Variants in CSMD1 observed in about 807,000 individuals in gnomAD.
The protein encoded by CSMD1 is CUB and sushi domain-containing protein 1.
A neutral mutation model predicts 417.5 loss-of-function variants in CSMD1; 213 were observed. That is an observed-to-expected ratio of 0.51 (90% CI 0.46 to 0.57). The LOEUF (loss-of-function observed/expected upper bound fraction) is 0.57. CSMD1 is among the 20% of genes least tolerant of loss of function. The pLI, the probability that CSMD1 is intolerant of heterozygous loss-of-function variation, is 0.00. For synonymous variants in CSMD1, 2,862 were observed against 1,736.8 expected (o/e 1.65, Z -16.11); for missense variants, 6,923 against 4,529.7 (o/e 1.53, Z -15.17).
At chr8:3,330,343 TC>T (rs1471273339) in intron 23 of CSMD1, among the ~76,000 whole-genome samples, 1 of 152,102 alleles carries the variant, frequency 6.6e-6, no homozygotes, top group East Asian at 1.9e-4. Context: ...AAAGACTCAA[TC>T]TAAGTGCCCA....
intron 7 of CSMD1, among the ~76,000 whole-genome samples, chr8:3,625,060 CA>C (rs1796429428): frequency 7.1e-6 from 1 of 140,928 alleles, no homozygotes; most frequent in Admixed American, 7.7e-5. Context: ...GACATTTCTA[CA>C]TGCATAACAG....
At chr8:3,559,493 TGAA>T (rs147690213) in intron 10 of CSMD1, among the ~76,000 whole-genome samples, 9,526 of 152,078 alleles carry the variant, frequency 0.063, 787 homozygotes, top group African/African-American at 0.19. Context: ...AAAGGCACCG[TGAA>T]GAAGAAGAAC....
intron 54 of CSMD1, among the ~76,000 whole-genome samples, chr8:2,989,522 GT>G (rs1806198691): frequency 6.6e-6 from 1 of 152,030 alleles, no homozygotes; most frequent in Non-Finnish European, 1.5e-5. Context: ...AATTAAGTTT[GT>G]TTCTATTTTT....
intron 2 of CSMD1, among the ~76,000 whole-genome samples, chr8:4,472,408 C>G (rs953074632): frequency 2.0e-5 from 3 of 151,944 alleles, no homozygotes; most frequent in African/African-American, 7.2e-5. Context: ...TCTCTTAATA[C>G]TTTTATTTTA....
intron 3 of CSMD1, among the ~76,000 whole-genome samples, chr8:4,387,069 G>A (rs1029090159): frequency 1.2e-4 from 18 of 152,094 alleles, no homozygotes; most frequent in African/African-American, 2.2e-4. Context: ...TAAAACGGAT[G>A]CACAGAATTT....
At chr8:3,647,196 A>G (rs1325801916) in intron 7 of CSMD1, among the ~76,000 whole-genome samples, 1 of 152,066 alleles carries the variant, frequency 6.6e-6, no homozygotes, top group African/African-American at 2.4e-5. Context: ...ACATGTGAAA[A>G]CCTGCACTCT....
chr8:4,073,857 A>G (rs1279794404), intron 3 of CSMD1, among the ~76,000 whole-genome samples: 2 of 152,136 alleles, frequency 1.3e-5, no homozygotes, highest in Non-Finnish European at 2.9e-5. Context: ...AAAACAGTTT[A>G]AATTCAGTAA....
intron 3 of CSMD1, among the ~76,000 whole-genome samples, chr8:4,099,210 A>G (rs1346349713): frequency 6.6e-6 from 1 of 150,836 alleles, no homozygotes; most frequent in East Asian, 1.9e-4. Flanking sequence ...ACACACGCAC[A>G]CACACACACA....
At chr8:4,717,366 CATAT>C (rs1194165391) in intron 1 of CSMD1, among the ~76,000 whole-genome samples, 3 of 142,902 alleles carry the variant, frequency 2.1e-5, no homozygotes, top group Non-Finnish European at 4.5e-5. Flanking sequence ...TATATACACA[CATAT>C]ATATACACAC....
Position 3,359,232 on chromosome 8 carries a change from T to A in CSMD1, c.3224A>T (p.Tyr1075Phe). Residue 1075 changes from tyrosine (Y) to phenylalanine (F), a missense_variant, in exon 21 of 70, where the codon TAT becomes TTT. By Grantham distance (22) the Tyr-to-Phe change is conservative. Coordinates refer to ENST00000635120, the MANE Select transcript of CSMD1 (RefSeq NM_033225.6). Reference sequence around the variant, plus strand: ...AAGCTTGGTGGCACCTTCTAAACGATATCCCAGGAAGCAGGAAAACGTCAG... The same window carrying A: ...AAGCTTGGTGGCACCTTCTAAACGAAATCCCAGGAAGCAGGAAAACGTCAG... ...DSLTFSCFLG[Y>F]RLEGATKLTC... The A allele has an allele frequency of 1.2e-6, 2 of 1,613,724 alleles. No homozygotes were observed. The highest frequency in any genetic ancestry group is 1.7e-6 in the Non-Finnish European group (2 of 1,179,820).
At chr8:3,738,133 T>C in intron 6 of CSMD1, among the ~76,000 whole-genome samples, 1 of 152,188 alleles carries the variant, frequency 6.6e-6, no homozygotes. Context: ...ATTTACTAAA[T>C]ACATTTAGTA....
At chr8:4,271,030 G>C (rs373386486) in intron 3 of CSMD1, among the ~76,000 whole-genome samples, 1 of 152,210 alleles carries the variant, frequency 6.6e-6, no homozygotes, top group African/African-American at 2.4e-5. Flanking sequence ...AGTGGGAAGA[G>C]AGTTAAAGAA....
intron 17 of CSMD1, among the ~76,000 whole-genome samples, chr8:3,392,800 G>C (rs565841659): frequency 6.6e-6 from 1 of 152,058 alleles, no homozygotes; most frequent in South Asian, 2.1e-4. Context: ...CCGGGTAAAC[G>C]GGGACACCCT....
intron 1 of CSMD1, among the ~76,000 whole-genome samples, chr8:4,803,119 T>C (rs778671154): frequency 6.6e-6 from 1 of 152,194 alleles, no homozygotes; most frequent in Non-Finnish European, 1.5e-5. Flanking sequence ...AGATCATGTA[T>C]ATGATTTTTT....
intron 1 of CSMD1, among the ~76,000 whole-genome samples, chr8:4,793,855 T>C (rs566011694): frequency 8.6e-5 from 12 of 138,776 alleles, no homozygotes; most frequent in Admixed American, 1.4e-4. Context: ...AAAAAAAAAC[T>C]CCTCTGATTA....
chr8:3,776,174 G>C (rs888250685), intron 5 of CSMD1, among the ~76,000 whole-genome samples: 1 of 152,104 alleles, frequency 6.6e-6, no homozygotes. Flanking sequence ...CCTACCTTCA[G>C]AACAGATCCA....
intron 5 of CSMD1, among the ~76,000 whole-genome samples, chr8:3,899,273 G>A (rs1004933571): frequency 1.2e-4 from 18 of 152,270 alleles, no homozygotes; most frequent in African/African-American, 2.9e-4. Context: ...GGAGCTCCCC[G>A]CCCTGCTAAG....
At chr8:4,839,489 C>G (rs1380566710) in intron 1 of CSMD1, among the ~76,000 whole-genome samples, 1 of 152,180 alleles carries the variant, frequency 6.6e-6, no homozygotes, top group African/African-American at 2.4e-5. Context: ...AATCCTAACT[C>G]AGCTAACAAC....
At chr8:2,976,084 T>G (rs146067523) in intron 55 of CSMD1, among the ~76,000 whole-genome samples, 122 of 152,316 alleles carry the variant, frequency 8.0e-4, no homozygotes, top group African/African-American at 2.7e-3. Context: ...TACAGATGCA[T>G]TTTTTGTTAA....
Sources: allele counts gnomAD v4.1 joint callset (sites outside exome capture counted in the v4.1 genomes callset), GRCh38; gene constraint gnomAD v4.1.1; transcripts MANE v1.5; gene names NCBI Gene and HGNC (gene_info 2026-07-23, HGNC 2026-07-21).